KCNIP4: variants seen among roughly 807,000 people sequenced by gnomAD.
KCNIP4 encodes the protein Kv channel-interacting protein 4.
Under a neutral mutation model 34.0 loss-of-function variants are expected in KCNIP4, and 12 were observed. That is an observed-to-expected ratio of 0.35 (90% CI 0.23 to 0.57). The LOEUF (loss-of-function observed/expected upper bound fraction) is 0.57, where lower values mean the gene tolerates loss of function less well. Ranked by LOEUF, KCNIP4 falls within the 20% of genes least tolerant of loss-of-function variation. KCNIP4 has a pLI of 0.83. For missense variants in KCNIP4, 238 were observed against 311.7 expected, an observed-to-expected ratio of 0.76 and a Z score of 1.78; for synonymous variants, 124 against 102.2, an observed-to-expected ratio of 1.21 and a Z score of -1.29.
intron 1 of KCNIP4, among the ~76,000 whole-genome samples, chr4:21,781,450 G>C (rs1015974484): frequency 6.6e-6 from 1 of 152,036 alleles, no homozygotes; most frequent in African/African-American, 2.4e-5. Flanking sequence ...TTTCCATTTT[G>C]AGGTACTGGG....
chr4:21,791,150 G>C (rs1052520270), intron 1 of KCNIP4, among the ~76,000 whole-genome samples: 1 of 152,084 alleles, frequency 6.6e-6, no homozygotes, highest in African/African-American at 2.4e-5. Flanking sequence ...AGGACAAATT[G>C]CCAGCATGTT....
intron 1 of KCNIP4, among the ~76,000 whole-genome samples, chr4:21,003,851 G>A (rs1348688205): frequency 3.9e-5 from 6 of 152,198 alleles, no homozygotes; most frequent in Non-Finnish European, 8.8e-5. Context: ...TCTGGGCAGA[G>A]GCAACAGCCT....
chr4:21,414,315 T>C (rs1232064592), intron 1 of KCNIP4, among the ~76,000 whole-genome samples: 1 of 152,152 alleles, frequency 6.6e-6, no homozygotes, highest in Non-Finnish European at 1.5e-5. Context: ...GTGCAAAGAC[T>C]ACCAGACATA....
chr4:21,335,069 C>T (rs1716042529), intron 1 of KCNIP4, among the ~76,000 whole-genome samples: 1 of 151,958 alleles, frequency 6.6e-6, no homozygotes, highest in Non-Finnish European at 1.5e-5. Context: ...CCTGAAAGAC[C>T]CCAGTGCAAC....
chr4:21,218,200 A>T (rs1469240238), intron 1 of KCNIP4, among the ~76,000 whole-genome samples: 1 of 151,652 alleles, frequency 6.6e-6, no homozygotes, highest in Non-Finnish European at 1.5e-5. Context: ...TTTTTAGTAG[A>T]GACAGAGTTT....
At chr4:21,054,415 A>G (rs2108955684) in intron 1 of KCNIP4, among the ~76,000 whole-genome samples, 1 of 152,062 alleles carries the variant, frequency 6.6e-6, no homozygotes, top group South Asian at 2.1e-4. Context: ...GCTACTCAGG[A>G]GGCTGAGACA....
intron 1 of KCNIP4, among the ~76,000 whole-genome samples, chr4:21,314,899 T>G (rs1406731755): frequency 6.6e-6 from 1 of 152,168 alleles, no homozygotes; most frequent in Non-Finnish European, 1.5e-5. Context: ...TAGAGCAGAT[T>G]CTTCTTGTAT....
At chr4:20,917,031 AT>A (rs1473239957) in intron 1 of KCNIP4, among the ~76,000 whole-genome samples, 1 of 61,504 alleles carries the variant, frequency 1.6e-5, no homozygotes, top group Non-Finnish European at 3.0e-5. Context: ...ATATATATAT[AT>A]ATATATATAT....
In KCNIP4 at chr4:21,838,521, T is replaced by C. The variant is rs139902648; in HGVS notation, c.61+110050A>G. Among the ~76,000 whole-genome samples, 613 of 152,342 alleles carry C rather than the reference T, an allele frequency of 4.0e-3. 4 individuals are homozygous for C. The highest frequency in any genetic ancestry group is 0.014 in the African/African-American group (584 of 41,588). The stretch of plus-strand genomic sequence containing the variant: ...TAACTTCCTTAGTGAATTTCTTCTA[T>C]GTATTCTGGTTACCCGTTGGTCTAC... On this transcript the variant is annotated intron_variant, in intron 1 of 8. Coordinates refer to ENST00000382152, the MANE Select transcript of KCNIP4 (RefSeq NM_025221.6).
intron 1 of KCNIP4, among the ~76,000 whole-genome samples, chr4:21,104,622 G>T (rs1223794470): frequency 6.6e-6 from 1 of 151,896 alleles, no homozygotes; most frequent in East Asian, 1.9e-4. Flanking sequence ...GTCAATTTTG[G>T]CTTTTGTTGC....
At chr4:21,211,719 A>T (rs999735424) in intron 1 of KCNIP4, among the ~76,000 whole-genome samples, 2 of 152,136 alleles carry the variant, frequency 1.3e-5, no homozygotes, top group African/African-American at 4.8e-5. Flanking sequence ...GGCATTGTGC[A>T]AGCAGTATTT....
At chr4:20,844,123 C>T (rs1014322926) in intron 3 of KCNIP4, among the ~76,000 whole-genome samples, 10 of 152,098 alleles carry the variant, frequency 6.6e-5, no homozygotes, top group African/African-American at 2.4e-4. Context: ...AGTTTCATGT[C>T]CAGAGAATCT....
At chr4:21,333,823 A>C (rs932998752) in intron 1 of KCNIP4, among the ~76,000 whole-genome samples, 1 of 152,190 alleles carries the variant, frequency 6.6e-6, no homozygotes, top group Admixed American at 6.5e-5. Flanking sequence ...GAAAGAATGG[A>C]TGCTTCTGTT....
At chr4:21,086,582 C>T (rs1194620325) in intron 1 of KCNIP4, among the ~76,000 whole-genome samples, 2 of 152,238 alleles carry the variant, frequency 1.3e-5, no homozygotes, top group South Asian at 2.1e-4. Flanking sequence ...GTTAATGAAG[C>T]ATTTCCTGGG....
chr4:21,194,159 A>C (rs1755883506), intron 1 of KCNIP4, among the ~76,000 whole-genome samples: 1 of 152,116 alleles, frequency 6.6e-6, no homozygotes, highest in Admixed American at 6.5e-5. Context: ...CCTTACTTTA[A>C]ATGTTTTTTT....
rs182803077 is a variant in KCNIP4 at position 21,046,170 on chromosome 4, G to A, written c.62-163461C>T. Among the ~76,000 whole-genome samples the A allele has an allele frequency of 1.4e-4, 21 of 152,282 alleles. No homozygotes were observed. In the East Asian group the frequency reaches 4.1e-3, roughly 29 times the overall value. On this transcript the variant is annotated intron_variant, in intron 1 of 8. Coordinates refer to ENST00000382152, the MANE Select transcript of KCNIP4 (RefSeq NM_025221.6). ...CAAATGTAAAGAGTAATATGATGTG[G>A]CATTATCATGATTTCTAGTAAGAAA...
chr4:21,201,761 A>T (rs1471232752), intron 1 of KCNIP4, among the ~76,000 whole-genome samples: 1 of 152,160 alleles, frequency 6.6e-6, no homozygotes, highest in Non-Finnish European at 1.5e-5. Context: ...GCCTCCCAAA[A>T]TGCTGGGATT....
At chr4:21,203,837 CACTT>C (rs1325906849) in intron 1 of KCNIP4, among the ~76,000 whole-genome samples, 1 of 152,198 alleles carries the variant, frequency 6.6e-6, no homozygotes, top group Non-Finnish European at 1.5e-5. Flanking sequence ...GTGGTGGACT[CACTT>C]ACATTTGCTG....
intron 3 of KCNIP4, among the ~76,000 whole-genome samples, chr4:20,759,165 T>C (rs1432008469): frequency 1.3e-5 from 2 of 152,214 alleles, no homozygotes; most frequent in Admixed American, 1.3e-4. Flanking sequence ...AGAACACATA[T>C]GTTTATTATA....
Sources: gnomAD v4.1 joint callset for allele counts (sites outside exome capture counted in the v4.1 genomes callset) on GRCh38, gnomAD v4.1.1 for gene constraint, MANE v1.5 for transcripts, NCBI Gene and HGNC (gene_info 2026-07-23, HGNC 2026-07-21) for gene names.